Variants in BCKDHB observed in about 807,000 individuals in gnomAD.
The protein encoded by BCKDHB is branched chain keto acid dehydrogenase E1 subunit beta, also known as 2-oxoisovalerate dehydrogenase subunit beta, mitochondrial.
BCKDHB carries 41 observed loss-of-function variants against 48.5 expected under a neutral mutation model. The observed-to-expected ratio is 0.85, with a 90% confidence interval of 0.66 to 1.10. The LOEUF is 1.10. BCKDHB is among the 50% of genes least tolerant of loss of function. The pLI is 0.00. For synonymous variants in BCKDHB, 201 were observed against 174.8 expected, an observed-to-expected ratio of 1.15 and a Z score of -1.18; for missense variants, 496 against 494.2, an observed-to-expected ratio of 1.00 and a Z score of -0.03.
chr6:80,115,728 C>T lies in BCKDHB; in HGVS notation c.196+8839C>T, dbSNP rs190192009. On this transcript the variant is annotated intron_variant, in intron 1 of 9. Transcript: ENST00000320393. ...CTTGGCCCACTGCAGGCTCTGCCTCCCAGATTCTCACCATTCTCCTGCCTC... is the reference window on the plus strand; with the variant it reads ...CTTGGCCCACTGCAGGCTCTGCCTCTCAGATTCTCACCATTCTCCTGCCTC... Among the ~76,000 whole-genome samples the T allele has an allele frequency of 7.0e-4, 107 of 152,026 alleles. 1 individual carries two copies. Among genetic ancestry groups the T allele is most frequent in the Non-Finnish European group, 1.3e-3 (88 of 67,978 alleles).
chr6:80,382,045 A>G, the BCKDHB span, among the ~76,000 whole-genome samples: 1 of 152,176 alleles, frequency 6.6e-6, no homozygotes, highest in Non-Finnish European at 1.5e-5. Flanking sequence ...TAGCCAATAC[A>G]TTGATGTTGA....
At chr6:80,306,044 T>C (rs1473597301) in intron 9 of BCKDHB, among the ~76,000 whole-genome samples, 1 of 152,206 alleles carries the variant, frequency 6.6e-6, no homozygotes, top group Non-Finnish European at 1.5e-5. Context: ...ACTTCTTCCA[T>C]ATGGCTATCG....
At chr6:80,389,236 AC>A in the BCKDHB span, among the ~76,000 whole-genome samples, 7,770 of 152,214 alleles carry the variant, frequency 0.051, 537 homozygotes, top group African/African-American at 0.15. Context: ...GGGCCCACGA[AC>A]AAAATGCCCA....
At chr6:80,376,723 G>A in the BCKDHB span, among the ~76,000 whole-genome samples, 1 of 152,256 alleles carries the variant, frequency 6.6e-6, no homozygotes, top group East Asian at 1.9e-4. Context: ...ACAAAGACTA[G>A]GCTGTGTTCA....
chr6:80,264,369 C>T (rs1777427179), intron 8 of BCKDHB, among the ~76,000 whole-genome samples: 1 of 152,124 alleles, frequency 6.6e-6, no homozygotes, highest in South Asian at 2.1e-4. Context: ...AAAGTGATTT[C>T]CTGGTTTGTA....
chr6:80,378,667 T>C, the BCKDHB span, among the ~76,000 whole-genome samples: 1 of 152,142 alleles, frequency 6.6e-6, no homozygotes, highest in South Asian at 2.1e-4. Context: ...GTGGGATTGC[T>C]GAATCAAATG....
the BCKDHB span, among the ~76,000 whole-genome samples, chr6:80,449,585 A>T: frequency 6.6e-6 from 1 of 152,234 alleles, no homozygotes; most frequent in African/African-American, 2.4e-5. Flanking sequence ...TTAAAGTTAG[A>T]TCTAAAGACT....
chr6:80,166,249 A>G (rs562447155), intron 3 of BCKDHB, among the ~76,000 whole-genome samples: 27 of 152,334 alleles, frequency 1.8e-4, no homozygotes, highest in Middle Eastern at 3.4e-3. Flanking sequence ...TACGTTCAGA[A>G]CCTCAATAAG....
intron 9 of BCKDHB, among the ~76,000 whole-genome samples, chr6:80,303,112 A>T (rs1767669196): frequency 6.6e-6 from 1 of 152,132 alleles, no homozygotes; most frequent in Non-Finnish European, 1.5e-5. Flanking sequence ...CTGAACTCAA[A>T]GGGTAATTCT....
intron 3 of BCKDHB, among the ~76,000 whole-genome samples, chr6:80,143,140 C>G (rs1771305494): frequency 6.6e-6 from 1 of 152,092 alleles, no homozygotes; most frequent in Non-Finnish European, 1.5e-5. Context: ...TAAAACAGAT[C>G]ACAAAGTCCG....
chr6:80,420,883 A>T, the BCKDHB span, among the ~76,000 whole-genome samples: 7 of 152,234 alleles, frequency 4.6e-5, no homozygotes, highest in Non-Finnish European at 2.9e-5. Flanking sequence ...ATTATGAACC[A>T]AAGTGATCTC....
chr6:80,370,594 T>G, the BCKDHB span, among the ~76,000 whole-genome samples: 1 of 152,260 alleles, frequency 6.6e-6, no homozygotes, highest in Non-Finnish European at 1.5e-5. Flanking sequence ...ATATCATTCT[T>G]ATTCCTTTGC....
chr6:80,196,070 A>G (rs900228744), intron 6 of BCKDHB, among the ~76,000 whole-genome samples: 1 of 152,170 alleles, frequency 6.6e-6, no homozygotes, highest in African/African-American at 2.4e-5. Context: ...TATCTCTGTA[A>G]TGGTAATAGT....
At chr6:80,385,287 A>G in the BCKDHB span, among the ~76,000 whole-genome samples, 66 of 152,318 alleles carry the variant, frequency 4.3e-4, no homozygotes, top group Non-Finnish European at 8.2e-4. Context: ...GAAATTGTGA[A>G]AAAACAGACA....
chr6:80,449,940 C>T, the BCKDHB span, among the ~76,000 whole-genome samples: 1 of 151,976 alleles, frequency 6.6e-6, no homozygotes, highest in Non-Finnish European at 1.5e-5. Context: ...AGAGCAATCT[C>T]AATGGTGACT....
At chr6:80,252,076 A>G (rs1458331195) in intron 8 of BCKDHB, among the ~76,000 whole-genome samples, 1 of 152,176 alleles carries the variant, frequency 6.6e-6, no homozygotes, top group Non-Finnish European at 1.5e-5. Flanking sequence ...CAACTTTACT[A>G]CTTGGTTGGG....
At chr6:80,181,844 G>T (rs1227994082) in intron 6 of BCKDHB, among the ~76,000 whole-genome samples, 2 of 152,140 alleles carry the variant, frequency 1.3e-5, no homozygotes, top group East Asian at 1.9e-4. Context: ...TTGCAGAAGG[G>T]TGTGAATACA....
At chr6:80,315,458 G>C (rs1283563376) in intron 9 of BCKDHB, among the ~76,000 whole-genome samples, 5 of 152,070 alleles carry the variant, frequency 3.3e-5, no homozygotes, top group African/African-American at 4.8e-5. Flanking sequence ...GGGTTGAGTT[G>C]TTTTCCTGAT....
intron 6 of BCKDHB, among the ~76,000 whole-genome samples, chr6:80,192,152 A>G (rs1382398889): frequency 6.6e-6 from 1 of 152,166 alleles, no homozygotes; most frequent in African/African-American, 2.4e-5. Flanking sequence ...CAATAAGAAT[A>G]AAATAAAAGT....
Sources: allele counts gnomAD v4.1 joint callset (sites outside exome capture counted in the v4.1 genomes callset), GRCh38; gene constraint gnomAD v4.1.1; transcripts MANE v1.5; gene names NCBI Gene and HGNC (gene_info 2026-07-23, HGNC 2026-07-21).